SUGCT: variants seen among roughly 807,000 people sequenced by gnomAD.
The protein encoded by SUGCT is succinyl-CoA:glutarate-CoA transferase.
Under a neutral mutation model 55.0 loss-of-function variants are expected in SUGCT, and 41 were observed. That is an observed-to-expected ratio of 0.74 (90% confidence interval 0.58 to 0.97). The LOEUF (loss-of-function observed/expected upper bound fraction) is 0.97. Ranked by LOEUF, SUGCT falls within the 50% of genes least tolerant of loss-of-function variation. The pLI is 0.00. For synonymous variants in SUGCT, 187 were observed against 200.4 expected (o/e 0.93, Z 0.56); for missense variants, 568 against 547.8 (o/e 1.04, Z -0.37).
At chr7:41,030,196 A>G in the SUGCT span, among the ~76,000 whole-genome samples, 1 of 152,322 alleles carries the variant, frequency 6.6e-6, no homozygotes, top group East Asian at 1.9e-4. Flanking sequence ...AGTTATGAAT[A>G]AAACTGCCAT....
intron 13 of SUGCT, among the ~76,000 whole-genome samples, chr7:40,854,416 TTTC>T (rs1441912499): frequency 2.8e-3 from 167 of 59,404 alleles, no homozygotes; most frequent in Middle Eastern, 0.012. Flanking sequence ...TCTTTCTTTC[TTTC>T]CTTTCTTTCT....
intron 1 of SUGCT, among the ~76,000 whole-genome samples, chr7:40,175,846 A>G (rs751286063): frequency 2.6e-5 from 4 of 152,150 alleles, no homozygotes; most frequent in Non-Finnish European, 5.9e-5. Context: ...AACATGCACA[A>G]TGACCTACTC....
chr7:40,349,757 C>T lies in SUGCT; in HGVS notation c.816+32902C>T, dbSNP rs531120400. On this transcript the variant is annotated intron_variant, in intron 9 of 13. Coordinates refer to ENST00000335693, the MANE Select transcript of SUGCT (RefSeq NM_001193313.2). Reference sequence around the variant, plus strand: ...GCACGATCATGGCTCACAGCAGTCTCTATCTCTCGGGCTTAAGTGACCCTT... The same window carrying T: ...GCACGATCATGGCTCACAGCAGTCTTTATCTCTCGGGCTTAAGTGACCCTT... 3.9e-5 allele frequency among the ~76,000 whole-genome samples: 6 copies of T among 152,352 alleles called. No individual in the cohort carries two copies. The East Asian group carries it at 9.6e-4, about 24-fold the overall frequency.
At chr7:40,751,659 C>A (rs1363694975) in intron 13 of SUGCT, among the ~76,000 whole-genome samples, 1 of 152,196 alleles carries the variant, frequency 6.6e-6, no homozygotes. Flanking sequence ...CCTCTGCCCA[C>A]CATGCTGTGG....
At chr7:40,535,995 T>G (rs1407668683) in intron 12 of SUGCT, among the ~76,000 whole-genome samples, 1 of 152,232 alleles carries the variant, frequency 6.6e-6, no homozygotes, top group East Asian at 1.9e-4. Context: ...TTCATACCTT[T>G]TGCCCATTTT....
intron 12 of SUGCT, among the ~76,000 whole-genome samples, chr7:40,599,802 G>T (rs1798201232): frequency 6.6e-6 from 1 of 152,038 alleles, no homozygotes; most frequent in South Asian, 2.1e-4. Flanking sequence ...CCCCTTACTG[G>T]AGTCCAAATC....
intron 8 of SUGCT, among the ~76,000 whole-genome samples, chr7:40,288,068 A>G (rs1279889852): frequency 6.6e-6 from 1 of 152,082 alleles, no homozygotes; most frequent in African/African-American, 2.4e-5. Flanking sequence ...GTATTGCTGT[A>G]CTCAGTATGC....
intron 1 of SUGCT, among the ~76,000 whole-genome samples, chr7:40,162,752 G>A (rs999317334): frequency 6.6e-6 from 1 of 152,198 alleles, no homozygotes; most frequent in Non-Finnish European, 1.5e-5. Flanking sequence ...CCTTCCAAAT[G>A]TTGGGATTAC....
chr7:40,572,307 C>T (rs1392625776), intron 12 of SUGCT, among the ~76,000 whole-genome samples: 2 of 152,036 alleles, frequency 1.3e-5, no homozygotes, highest in East Asian at 1.9e-4. Context: ...TCTTTTGCCT[C>T]CCCAAAGAAA....
intron 12 of SUGCT, among the ~76,000 whole-genome samples, chr7:40,609,597 T>C (rs1022588986): frequency 1.1e-4 from 17 of 152,004 alleles, no homozygotes; most frequent in Admixed American, 1.1e-3. Flanking sequence ...ACTTTATTCT[T>C]TCACACACTG....
At chr7:40,586,186 A>G (rs1015556183) in intron 12 of SUGCT, among the ~76,000 whole-genome samples, 2 of 152,136 alleles carry the variant, frequency 1.3e-5, no homozygotes, top group African/African-American at 4.8e-5. Flanking sequence ...CCTGTTCTAT[A>G]TAGAATTATA....
intron 13 of SUGCT, among the ~76,000 whole-genome samples, chr7:40,758,147 G>T (rs1297254152): frequency 6.6e-6 from 1 of 151,710 alleles, no homozygotes; most frequent in Non-Finnish European, 1.5e-5. Context: ...TGGCTTTATG[G>T]TTGGGTTTAT....
At chr7:40,805,571 T>G (rs2128753070) in intron 13 of SUGCT, among the ~76,000 whole-genome samples, 1 of 152,262 alleles carries the variant, frequency 6.6e-6, no homozygotes, top group East Asian at 1.9e-4. Flanking sequence ...CATGAAAAAT[T>G]TTGTTCCTTG....
At chr7:41,023,366 A>T in the SUGCT span, among the ~76,000 whole-genome samples, 6 of 152,230 alleles carry the variant, frequency 3.9e-5, no homozygotes, top group East Asian at 1.2e-3. Context: ...AAGGAATGAG[A>T]AAAGAGATAC....
At chr7:40,406,131 A>T (rs369797924) in intron 9 of SUGCT, among the ~76,000 whole-genome samples, 1 of 152,048 alleles carries the variant, frequency 6.6e-6, no homozygotes. Flanking sequence ...TGAGTGGGGG[A>T]TAAAATCATA....
chr7:40,163,069 A>T (rs949538926), intron 1 of SUGCT, among the ~76,000 whole-genome samples: 1 of 152,160 alleles, frequency 6.6e-6, no homozygotes, highest in Non-Finnish European at 1.5e-5. Flanking sequence ...GGAGGATTTC[A>T]TGGGGTGTTT....
chr7:40,862,495 G>C (rs1208953697), downstream of SUGCT, among the ~76,000 whole-genome samples: 3 of 152,156 alleles, frequency 2.0e-5, no homozygotes, highest in African/African-American at 4.8e-5. Context: ...ATATGCCCCA[G>C]ATCAAGTTAT....
At chr7:40,292,357 C>T (rs958551611) in intron 8 of SUGCT, among the ~76,000 whole-genome samples, 3 of 152,080 alleles carry the variant, frequency 2.0e-5, no homozygotes, top group Admixed American at 1.3e-4. Context: ...GAAACACTGT[C>T]TTCTTGGTGG....
chr7:40,781,076 A>C (rs1789719609), intron 13 of SUGCT, among the ~76,000 whole-genome samples: 1 of 151,900 alleles, frequency 6.6e-6, no homozygotes, highest in African/African-American at 2.4e-5. Flanking sequence ...AAGAATGCTC[A>C]TTTTCCTTTT....
Sources: gnomAD v4.1 joint callset for allele counts (sites outside exome capture counted in the v4.1 genomes callset) on GRCh38, gnomAD v4.1.1 for gene constraint, MANE v1.5 for transcripts, NCBI Gene and HGNC (gene_info 2026-07-23, HGNC 2026-07-21) for gene names.